ACTR10: variants seen among roughly 807,000 people sequenced by gnomAD.
ACTR10 encodes actin related protein 10, also known as actin-related protein 10.
ACTR10 carries 43 observed loss-of-function variants against 56.2 expected under a neutral mutation model. The observed-to-expected ratio is 0.77, with a 90% CI of 0.60 to 0.99. The LOEUF is 0.99. ACTR10 is among the 50% of genes least tolerant of loss of function. ACTR10 has a pLI of 0.00. For missense variants in ACTR10, 466 were observed against 507.8 expected (o/e 0.92, Z 0.79); for synonymous variants, 170 against 176.3 (o/e 0.96, Z 0.28).
intron 5 of ACTR10, 81 bp downstream of exon 5, chr14:58,211,480 G>T: frequency 4.9e-6 from 5 of 1,025,092 alleles, no homozygotes; most frequent in Non-Finnish European, 7.6e-6. Context: ...TAAATGATTT[G>T]TATTGTACTG....
intron 2 of ACTR10, among the ~76,000 whole-genome samples, chr14:58,206,648 A>G (rs1335544655): frequency 1.3e-5 from 2 of 152,230 alleles, no homozygotes; most frequent in Non-Finnish European, 2.9e-5. Context: ...GCATCAGAGT[A>G]CTGAGAGCTT....
At chr14:58,231,060 T>C in intron 11 of ACTR10, 1 of 304,796 alleles carries the variant, frequency 3.3e-6, no homozygotes, top group Non-Finnish European at 6.8e-6. Context: ...CCTGGCCTTT[T>C]TTTTCTCTTT....
chr14:58,235,480 G>C lies in ACTR10; in HGVS notation c.*929G>C, dbSNP rs1257034241. The C allele has an allele frequency of 2.6e-5, 4 of 152,002 alleles. No homozygotes were observed. Among genetic ancestry groups the C allele is most frequent in the African/African-American group, 7.2e-5 (3 of 41,450 alleles). The allele number at this position is 152,002 out of a possible 1,614,324, so 9.4% of individuals were successfully genotyped here. ...AAAAGATACTTCATTTTTATATAAG[G>C]TTACAACTGCTTTATAAAAATGTAT... On this transcript the variant is annotated 3_prime_UTR_variant, in exon 13 of 13. Transcript: ENST00000254286.
intron 2 of ACTR10, among the ~76,000 whole-genome samples, chr14:58,206,711 C>G (rs1188319947): frequency 6.6e-6 from 1 of 152,156 alleles, no homozygotes; most frequent in Non-Finnish European, 1.5e-5. Context: ...ACTTAGCACT[C>G]ATGGCTTGGT....
intron 5 of ACTR10, 178 bp from the exon 6 acceptor site, chr14:58,213,453 C>G (rs946873158): frequency 1.1e-5 from 5 of 461,784 alleles, no homozygotes; most frequent in African/African-American, 2.0e-5. Context: ...ATTCTGTTTT[C>G]TTTGATGAAG....
chr14:58,233,552 A>G (rs1889596254), intron 12 of ACTR10, among the ~76,000 whole-genome samples: 1 of 152,214 alleles, frequency 6.6e-6, no homozygotes, highest in African/African-American at 2.4e-5. Flanking sequence ...TCGACTATTC[A>G]TGTTATTGGT....
intron 12 of ACTR10, 31 bp downstream of exon 12, chr14:58,232,298 T>C: frequency 6.4e-7 from 1 of 1,563,110 alleles, no homozygotes; most frequent in Non-Finnish European, 8.8e-7. Flanking sequence ...ATATAATGAT[T>C]ATATAGTATT....
At chr14:58,221,290 A>T (rs1204376746) in intron 8 of ACTR10, among the ~76,000 whole-genome samples, 1 of 148,808 alleles carries the variant, frequency 6.7e-6, no homozygotes. Context: ...TAAAAAAAAA[A>T]AAAAAAAAAA....
Position 58,232,239 on chromosome 14 carries a change from A to G in ACTR10, c.1044A>G (p.Ala348=). The part of the protein sequence containing the change: ...TKTFRIHTPP[A]KANCVAWLGG... ...CATTTCGAATTCATACTCCACCTGC[A>G]AAAGCTAATTGTGTGGCCTGGTTGG... The change falls in exon 12 of 13, where the codon GCA becomes GCG. Residue 348 remains alanine (A), a synonymous_variant. Transcript: ENST00000254286. 1 of 1,613,758 alleles carries G rather than the reference A, an allele frequency of 6.2e-7. No individual in the cohort carries two copies. The highest frequency in any genetic ancestry group is 8.5e-7 in the Non-Finnish European group (1 of 1,179,832).
At chr14:58,200,801 G>A (rs1888687145) in intron 1 of ACTR10, among the ~76,000 whole-genome samples, 1 of 152,230 alleles carries the variant, frequency 6.6e-6, no homozygotes, top group African/African-American at 2.4e-5. Flanking sequence ...CTATAGATAA[G>A]ATTCTGGAAA....
In ACTR10 at chr14:58,223,931, C is replaced by T. The variant is rs1039533286; in HGVS notation, c.788+75C>T. On this transcript the variant is annotated intron_variant, in intron 10 of 12. Coordinates refer to ENST00000254286, the MANE Select transcript of ACTR10 (RefSeq NM_018477.3). The stretch of plus-strand genomic sequence containing the variant: ...GGCTTTTAAAAATATTTGTATGAGC[C>T]TTTATTTCACTATTGCCATTTTAAC... 3.7e-6 allele frequency: 4 copies of T among 1,078,016 alleles called. No homozygotes were observed. In the African/African-American group the frequency reaches 4.8e-5, roughly 13 times the overall value. 66.8% of individuals were successfully genotyped at this position (1,078,016 alleles called of 1,614,324 possible).
intron 7 of ACTR10, among the ~76,000 whole-genome samples, chr14:58,217,722 G>A (rs1889167924): frequency 6.6e-6 from 1 of 151,778 alleles, no homozygotes; most frequent in African/African-American, 2.4e-5. Context: ...TCTTTTCCAG[G>A]TTCTTAGCAA....
chr14:58,215,104 CA>C (rs923410330), intron 6 of ACTR10, 100 bp from the exon 7 acceptor site: 4,673 of 648,874 alleles, frequency 7.2e-3, no homozygotes, highest in South Asian at 9.7e-3. Flanking sequence ...AGACTGTCTC[CA>C]AAAAAAAAAT....
At chr14:58,217,386 G>A (rs1191293498) in intron 7 of ACTR10, among the ~76,000 whole-genome samples, 1 of 152,042 alleles carries the variant, frequency 6.6e-6, no homozygotes, top group Non-Finnish European at 1.5e-5. Context: ...ATGCAAATAC[G>A]GCTGGGCACG....
intron 2 of ACTR10, among the ~76,000 whole-genome samples, chr14:58,204,723 G>A (rs912382945): frequency 6.6e-6 from 1 of 152,134 alleles, no homozygotes; most frequent in Non-Finnish European, 1.5e-5. Context: ...AATTGCTGGT[G>A]TAGGGAGTTA....
intron 10 of ACTR10, among the ~76,000 whole-genome samples, chr14:58,226,336 C>T (rs1889399984): frequency 6.6e-6 from 1 of 150,972 alleles, no homozygotes; most frequent in African/African-American, 2.4e-5. Flanking sequence ...TGGTCTCAAA[C>T]TCCACTCAAG....
chr14:58,223,156 G>A (rs1267823899), intron 8 of ACTR10, among the ~76,000 whole-genome samples: 1 of 151,968 alleles, frequency 6.6e-6, no homozygotes, highest in East Asian at 1.9e-4. Flanking sequence ...TTTTCTTTGA[G>A]ATGGAGTTTC....
rs368033138 is a variant in ACTR10 at position 58,223,771 on chromosome 14, T to G, written c.715-12T>G. On this transcript the variant is annotated splice_polypyrimidine_tract_variant and intron_variant, in intron 9 of 12. Coordinates refer to ENST00000254286, the MANE Select transcript of ACTR10 (RefSeq NM_018477.3). ...CATGTGTGGACTTATGTTTATGATATTTATATTTCAGCGTCCCTCCCCACC... is the reference window on the plus strand; with the variant it reads ...CATGTGTGGACTTATGTTTATGATAGTTATATTTCAGCGTCCCTCCCCACC... The G allele has an allele frequency of 6.2e-7, 1 of 1,611,614 alleles. No individual in the cohort carries two copies. The highest frequency in any genetic ancestry group is 8.5e-7 in the Non-Finnish European group (1 of 1,178,500).
At chr14:58,210,938 G>A in intron 4 of ACTR10, 1 of 174,536 alleles carries the variant, frequency 5.7e-6, no homozygotes, top group South Asian at 1.2e-4. Context: ...GCCTCCCAAA[G>A]TGCTGGGATT....
Sources: allele counts gnomAD v4.1 joint callset (sites outside exome capture counted in the v4.1 genomes callset), GRCh38; gene constraint gnomAD v4.1.1; transcripts MANE v1.5; gene names NCBI Gene and HGNC (gene_info 2026-07-23, HGNC 2026-07-21).